SLC16A7: variants seen among roughly 807,000 people sequenced by gnomAD.
SLC16A7 encodes the protein solute carrier family 16 member 7.
Under a neutral mutation model 34.9 loss-of-function variants are expected in SLC16A7, and 33 were observed. The observed-to-expected ratio is 0.94, with a 90% CI of 0.72 to 1.26. The LOEUF is 1.26. Ranked by LOEUF, SLC16A7 falls within the 50% of genes most tolerant of loss-of-function variation. SLC16A7 has a pLI of 0.00. For missense variants in SLC16A7, 573 were observed against 578.1 expected (o/e 0.99, Z 0.09); for synonymous variants, 201 against 206.6 (o/e 0.97, Z 0.23).
rs562399073 is a variant in SLC16A7, at chr12:59,754,669, A to G, written c.218-16550A>G. 1.4e-3 allele frequency among the ~76,000 whole-genome samples: 215 copies of G among 152,302 alleles called. 1 individual carries two copies. The highest frequency in any genetic ancestry group is 4.6e-3 in the African/African-American group (193 of 41,570). ...CCAGATGGATTCACAGCCGAATTCT[A>G]CCAGAGGTACAAGGAGGAACTGGTA... On this transcript the variant is annotated intron_variant, in intron 3 of 5. Transcript: ENST00000547379.
At chr12:59,683,640 G>A (rs1261697597) in intron 2 of SLC16A7, among the ~76,000 whole-genome samples, 1 of 152,144 alleles carries the variant, frequency 6.6e-6, no homozygotes, top group Non-Finnish European at 1.5e-5. Context: ...TATCTAGGAA[G>A]TAGCAATAAA....
intron 1 of SLC16A7, among the ~76,000 whole-genome samples, chr12:59,618,801 A>G (rs755407543): frequency 1.3e-5 from 2 of 151,982 alleles, no homozygotes; most frequent in Non-Finnish European, 2.9e-5. Context: ...CCTGAAAATC[A>G]CTTTTTTTCT....
At chr12:59,768,170 T>C (rs1407663182) in intron 3 of SLC16A7, 1 of 455,720 alleles carries the variant, frequency 2.2e-6, no homozygotes, top group South Asian at 1.5e-5. Context: ...GAAAAGGAGA[T>C]GGAAAATCTT....
At chr12:59,701,861 G>A (rs1454002278) in intron 2 of SLC16A7, among the ~76,000 whole-genome samples, 7 of 151,834 alleles carry the variant, frequency 4.6e-5, no homozygotes, top group African/African-American at 1.4e-4. Context: ...TAATCCAGTT[G>A]TATTTCTGAA....
In SLC16A7 at chr12:59,779,537, T is replaced by C. The variant is rs764974460; in HGVS notation, c.1295T>C (p.Leu432Pro). The C allele has an allele frequency of 1.9e-6, 3 of 1,613,084 alleles. No homozygotes were observed. In the Admixed American group the frequency reaches 5.0e-5, roughly 27 times the overall value. The change falls in exon 6 of 6, where the codon CTT (leucine) becomes CCT (proline). Residue 432 changes from leucine to proline, a missense_variant. Transcript: ENST00000547379. ...GGCAATGCTATCAACTATAGATTGC[T>C]TGCAAAGGAAAGGAAGGAGGAAAAT... ...LIGNAINYRL[L>P]AKERKEENAR...
chr12:59,708,500 A>T (rs1873843471), intron 3 of SLC16A7, among the ~76,000 whole-genome samples: 1 of 152,202 alleles, frequency 6.6e-6, no homozygotes. Flanking sequence ...GTTGATGATT[A>T]TAAAAAAAAT....
At chr12:59,674,557 C>T (rs1339784625) in intron 2 of SLC16A7, among the ~76,000 whole-genome samples, 1 of 152,100 alleles carries the variant, frequency 6.6e-6, no homozygotes, top group Non-Finnish European at 1.5e-5. Flanking sequence ...CTGAACTGCG[C>T]TAATATTTTT....
chr12:59,762,822 C>CAAA (rs35275657), intron 3 of SLC16A7, among the ~76,000 whole-genome samples: 50 of 128,512 alleles, frequency 3.9e-4, no homozygotes, highest in African/African-American at 1.4e-3. Context: ...ACATCTTTCT[C>CAAA]AAAAAAAAAA....
chr12:59,772,931 TATAAA>T (rs1245443593), intron 4 of SLC16A7, among the ~76,000 whole-genome samples: 1 of 152,082 alleles, frequency 6.6e-6, no homozygotes, highest in Non-Finnish European at 1.5e-5. Flanking sequence ...TGCCCAGTAA[TATAAA>T]ATAGGTACCT....
intron 2 of SLC16A7, among the ~76,000 whole-genome samples, chr12:59,676,879 G>T (rs1040293459): frequency 6.6e-6 from 1 of 151,968 alleles, no homozygotes; most frequent in East Asian, 1.9e-4. Flanking sequence ...AGTAACATTT[G>T]CATAAGGTAG....
At chr12:59,767,070 G>T (rs190658830) in intron 3 of SLC16A7, among the ~76,000 whole-genome samples, 1 of 152,038 alleles carries the variant, frequency 6.6e-6, no homozygotes, top group East Asian at 1.9e-4. Flanking sequence ...GAGGGTGTAT[G>T]TGTTGCGGAA....
rs188245507 is a variant in SLC16A7, at chr12:59,603,697, T to C, written c.-130+7461T>C. On this transcript the variant is annotated intron_variant, in intron 1 of 5. Coordinates refer to ENST00000547379, the MANE Select transcript of SLC16A7 (RefSeq NM_001270623.2). The stretch of plus-strand genomic sequence containing the variant: ...TATATAATTATTCAGTTTCTTAATA[T>C]ACTATAAAGTTGTAGATGTCAGGAA... Among the ~76,000 whole-genome samples the C allele has an allele frequency of 2.6e-3, 390 of 152,330 alleles. 2 individuals are homozygous for C. Among genetic ancestry groups the C allele is most frequent in the Non-Finnish European group, 3.3e-3 (223 of 68,034 alleles).
At chr12:59,734,090 GTC>G (rs1877295546) in intron 3 of SLC16A7, 1 of 240,586 alleles carries the variant, frequency 4.2e-6, no homozygotes, top group South Asian at 4.4e-5. Flanking sequence ...GCCTCAGGCT[GTC>G]TCTGGATTAA....
intron 1 of SLC16A7, among the ~76,000 whole-genome samples, chr12:59,627,584 T>A (rs1451895835): frequency 6.6e-6 from 1 of 151,892 alleles, no homozygotes; most frequent in Admixed American, 6.6e-5. Flanking sequence ...ACAAATGAAA[T>A]GTGGAAATTT....
At chr12:59,745,648 T>C (rs1273387853) in intron 3 of SLC16A7, among the ~76,000 whole-genome samples, 1 of 152,202 alleles carries the variant, frequency 6.6e-6, no homozygotes. Context: ...GTGGCAATTA[T>C]GATACACGCA....
At chr12:59,721,773 G>A (rs751648424) in intron 3 of SLC16A7, among the ~76,000 whole-genome samples, 5 of 151,896 alleles carry the variant, frequency 3.3e-5, no homozygotes, top group African/African-American at 4.8e-5. Context: ...CATTGTAATT[G>A]ACCTTTCTGG....
intron 3 of SLC16A7, among the ~76,000 whole-genome samples, chr12:59,709,978 A>G (rs1874037688): frequency 6.6e-6 from 1 of 151,666 alleles, no homozygotes; most frequent in African/African-American, 2.4e-5. Flanking sequence ...CTACAGTTAT[A>G]TAGACTATAC....
chr12:59,615,465 C>A (rs1404670112), intron 1 of SLC16A7, among the ~76,000 whole-genome samples: 1 of 151,940 alleles, frequency 6.6e-6, no homozygotes, highest in East Asian at 1.9e-4. Flanking sequence ...TGACTTTTAC[C>A]TTTTGTTTTT....
intron 3 of SLC16A7, among the ~76,000 whole-genome samples, chr12:59,766,055 TG>T (rs1881587002): frequency 1.3e-5 from 2 of 152,300 alleles, no homozygotes; most frequent in Admixed American, 1.3e-4. Context: ...TCTCATCCCT[TG>T]TAAGTTGGAT....
Sources: allele counts gnomAD v4.1 joint callset (sites outside exome capture counted in the v4.1 genomes callset), GRCh38; gene constraint gnomAD v4.1.1; transcripts MANE v1.5; gene names NCBI Gene and HGNC (gene_info 2026-07-23, HGNC 2026-07-21).